The following GCH1 variants were observed in gnomAD, a reference collection of about 807,000 sequenced individuals.
GCH1 encodes the protein GTP cyclohydrolase I.
GCH1 carries 5 observed loss-of-function variants against 25.9 expected under a neutral mutation model. The ratio of observed to expected loss-of-function variants is 0.19; its 90% CI spans 0.10 to 0.41. GCH1 has a LOEUF of 0.41. GCH1 is among the 10% of genes least tolerant of loss of function. GCH1 has a pLI of 1.00. For missense variants in GCH1, 261 were observed against 336.5 expected (o/e 0.78, Z 1.75); for synonymous variants, 159 against 129.6 (o/e 1.23, Z -1.54).
At chr14:54,867,851 G>A (rs2040011342) in intron 1 of GCH1, among the ~76,000 whole-genome samples, 1 of 152,030 alleles carries the variant, frequency 6.6e-6, no homozygotes, top group African/African-American at 2.4e-5. Context: ...GCATATTGAG[G>A]TACATCAAAA....
In GCH1 at chr14:54,844,035, C is replaced by CAGG; in HGVS notation, c.732_734dup (p.Leu245dup). 1.2e-6 allele frequency: 2 copies of CAGG among 1,614,086 alleles called. No homozygotes were observed. Among genetic ancestry groups the CAGG allele is most frequent in the Non-Finnish European group, 1.7e-6 (2 of 1,179,906 alleles). The stretch of plus-strand genomic sequence containing the variant: ...ATGAAGCTCAGCTCCTAATGAGAGT[C>CAGG]AGGAACTCTTCCCGAGTCTTTGGAT... On this transcript the variant is annotated inframe_insertion, in exon 6 of 6. Coordinates refer to ENST00000491895, the MANE Select transcript of GCH1 (RefSeq NM_000161.3).
intron 5 of GCH1, 133 bp from the exon 6 acceptor site, chr14:54,844,276 T>C: frequency 1.3e-6 from 1 of 765,938 alleles, no homozygotes. Flanking sequence ...TACACAAATG[T>C]TATCTATTAG....
intron 1 of GCH1, among the ~76,000 whole-genome samples, chr14:54,899,369 G>A (rs958758750): frequency 1.3e-5 from 2 of 152,084 alleles, no homozygotes; most frequent in African/African-American, 4.8e-5. Flanking sequence ...GCTGAGGTGG[G>A]ATCACTTGAG....
At chr14:54,902,125 C>T (rs1229357361) in intron 1 of GCH1, among the ~76,000 whole-genome samples, 196 bp downstream of exon 1, 1 of 152,188 alleles carries the variant, frequency 6.6e-6, no homozygotes, top group African/African-American at 2.4e-5. Flanking sequence ...GAGGTCGCTG[C>T]CACCCAGGAA....
intron 1 of GCH1, among the ~76,000 whole-genome samples, chr14:54,872,035 C>T (rs1460302854): frequency 6.6e-6 from 1 of 151,794 alleles, no homozygotes; most frequent in Non-Finnish European, 1.5e-5. Context: ...AACTCCAAGA[C>T]ACATAATTGT....
intron 5 of GCH1, among the ~76,000 whole-genome samples, chr14:54,845,290 C>T (rs1176621444): frequency 1.3e-5 from 2 of 148,250 alleles, no homozygotes; most frequent in Non-Finnish European, 3.0e-5. Context: ...CCAGCCTGGC[C>T]GACATGATGA....
At chr14:54,863,150 T>C (rs1298375355) in intron 2 of GCH1, among the ~76,000 whole-genome samples, 1 of 152,054 alleles carries the variant, frequency 6.6e-6, no homozygotes, top group Admixed American at 6.5e-5. Context: ...CCAGGTGCGG[T>C]GGCTCACGCC....
Position 54,843,517 on chromosome 14 carries a change from G to T in GCH1, c.*500C>A, listed in dbSNP as rs1325201177. ...AAAAATATATTTTTAAATGTCACTG[G>T]TGGTTTAATAAACATGACCAAAGTG... On this transcript the variant is annotated 3_prime_UTR_variant, in exon 6 of 6. Coordinates refer to ENST00000491895, the MANE Select transcript of GCH1 (RefSeq NM_000161.3). 6 of 1,310,740 alleles carry T rather than the reference G, an allele frequency of 4.6e-6. No homozygotes were observed. Among genetic ancestry groups the T allele is most frequent in the Non-Finnish European group, 5.8e-6 (6 of 1,031,264 alleles). 81.2% of individuals were successfully genotyped at this position (1,310,740 alleles called of 1,614,324 possible).
At chr14:54,890,181 C>T (rs983067865) in intron 1 of GCH1, among the ~76,000 whole-genome samples, 1 of 152,110 alleles carries the variant, frequency 6.6e-6, no homozygotes, top group African/African-American at 2.4e-5. Flanking sequence ...AGGGGATTCA[C>T]GAGAAAGAAT....
intron 4 of GCH1, among the ~76,000 whole-genome samples, chr14:54,846,522 G>T (rs1216229306): frequency 4.6e-5 from 7 of 152,116 alleles, no homozygotes; most frequent in Non-Finnish European, 7.3e-5. Context: ...ATGAAAAAAA[G>T]CAGGGAAAAA....
intron 3 of GCH1, among the ~76,000 whole-genome samples, chr14:54,856,314 T>C (rs1481865544): frequency 6.6e-6 from 1 of 152,184 alleles, no homozygotes; most frequent in Non-Finnish European, 1.5e-5. Context: ...CTGTGCACTC[T>C]CCTTGAGGGT....
intron 1 of GCH1, among the ~76,000 whole-genome samples, chr14:54,899,365 G>A (rs1370238527): frequency 6.6e-6 from 1 of 152,174 alleles, no homozygotes; most frequent in Non-Finnish European, 1.5e-5. Context: ...GGAGGCTGAG[G>A]TGGGATCACT....
chr14:54,843,338 C>A lies in GCH1; in HGVS notation c.*679G>T, dbSNP rs2039589035. 1.5e-6 allele frequency: 2 copies of A among 1,293,078 alleles called. No individual in the cohort carries two copies. The highest frequency in any genetic ancestry group is 2.0e-6 in the Non-Finnish European group (2 of 1,022,398). 80.1% of individuals were successfully genotyped at this position (1,293,078 alleles called of 1,614,324 possible). A position where few individuals can be genotyped will look rare whatever the true frequency, so the allele number is the denominator to read the frequency against. On this transcript the variant is annotated 3_prime_UTR_variant, in exon 6 of 6. Transcript: ENST00000491895. ...AAATGTCTAAATCCCTGTATGTTGA[C>A]ACGAGAATACACTCGTAAACAACAC... is the stretch of plus-strand genomic sequence containing the variant.
chr14:54,902,638 G>A lies in GCH1; in HGVS notation c.26C>T (p.Pro9Leu), dbSNP rs1262075886. 14 of 1,483,998 alleles carry A rather than the reference G, an allele frequency of 9.4e-6. No individual in the cohort carries two copies. Among genetic ancestry groups the A allele is most frequent in the East Asian group, 2.8e-5 (1 of 35,148 alleles). 91.9% of individuals were successfully genotyped at this position (1,483,998 alleles called of 1,614,324 possible). Residue 9 changes from proline to leucine, a missense_variant, in exon 1 of 6, where the codon CCG becomes CTG. By Grantham distance (98) the Pro-to-Leu change is moderately conservative. Transcript: ENST00000491895. ...CCTGGCGCCCCGCGGCTTCTCCGCC[G>A]GTGCCCGCACAGGGCCCTTCTCCAT... Reference protein sequence around the residue: MEKGPVRAPAEKPRGARCS... With the variant: MEKGPVRALAEKPRGARCS...
At chr14:54,853,959 G>T (rs1032855679) in intron 3 of GCH1, among the ~76,000 whole-genome samples, 2 of 152,140 alleles carry the variant, frequency 1.3e-5, no homozygotes, top group African/African-American at 4.8e-5. Context: ...GGTTATTAAT[G>T]TATGCAGGCT....
chr14:54,882,890 G>C (rs964496377), intron 1 of GCH1, among the ~76,000 whole-genome samples: 1 of 152,176 alleles, frequency 6.6e-6, no homozygotes, highest in Admixed American at 6.5e-5. Flanking sequence ...CGCAACAGGG[G>C]TTCCCAAATA....
At chr14:54,869,175 A>T (rs2040032477) in intron 1 of GCH1, among the ~76,000 whole-genome samples, 1 of 151,680 alleles carries the variant, frequency 6.6e-6, no homozygotes, top group Non-Finnish European at 1.5e-5. Flanking sequence ...AGTAGCTGGG[A>T]CTACAGGCAC....
intron 1 of GCH1, among the ~76,000 whole-genome samples, chr14:54,879,568 C>A (rs1176191925): frequency 6.6e-6 from 1 of 151,982 alleles, no homozygotes; most frequent in Non-Finnish European, 1.5e-5. Flanking sequence ...TAAATTTGGG[C>A]TGCATTTATA....
chr14:54,878,063 G>C (rs2040189064), intron 1 of GCH1: 1 of 154,372 alleles, frequency 6.5e-6, no homozygotes, highest in Non-Finnish European at 1.5e-5. Context: ...CAAATATATA[G>C]GTAAATATTT....
Sources: gnomAD v4.1 joint callset for allele counts (sites outside exome capture counted in the v4.1 genomes callset) on GRCh38, gnomAD v4.1.1 for gene constraint, MANE v1.5 for transcripts, NCBI Gene and HGNC (gene_info 2026-07-23, HGNC 2026-07-21) for gene names.